Variants in PCSK2 observed in about 807,000 individuals in gnomAD.
The protein encoded by PCSK2 is proprotein convertase subtilisin/kexin type 2, also known as neuroendocrine convertase 2.
In PCSK2, 14 loss-of-function variants were observed where a neutral mutation model predicts 69.7. That is an observed-to-expected ratio of 0.20 (90% confidence interval 0.13 to 0.31). The LOEUF is 0.31. Among genes scored for constraint, PCSK2 ranks in the 10% least tolerant of loss-of-function variants. The pLI is 1.00. For missense variants in PCSK2, 544 were observed against 842.5 expected, an observed-to-expected ratio of 0.65 and a Z score of 4.39; for synonymous variants, 307 against 320.7, an observed-to-expected ratio of 0.96 and a Z score of 0.46.
At chr20:17,247,802 G>C (rs1480859409) in intron 1 of PCSK2, among the ~76,000 whole-genome samples, 1 of 152,230 alleles carries the variant, frequency 6.6e-6, no homozygotes, top group Non-Finnish European at 1.5e-5. Context: ...TAGGCTCCAT[G>C]AGAATTTAAC....
intron 8 of PCSK2, among the ~76,000 whole-genome samples, chr20:17,445,742 C>A (rs138340254): frequency 6.6e-6 from 1 of 152,210 alleles, no homozygotes; most frequent in South Asian, 2.1e-4. Flanking sequence ...GGAGCTCTCA[C>A]GAATACTCTG....
Position 17,453,764 on chromosome 20 carries a change from T to C in PCSK2, c.908T>C (p.Ile303Thr). 6.2e-7 allele frequency: 1 copy of C among 1,613,744 alleles called. No individual in the cohort carries two copies. Among genetic ancestry groups the C allele is most frequent in the Non-Finnish European group, 8.5e-7 (1 of 1,179,912 alleles). ...CAGGGCCGCGGCGGCAAAGGCAGCA[T>C]CTACGTGTGGGCCTCCGGGGACGGC... ...VNKGRGGKGS[I>T]YVWASGDGGS... Residue 303 changes from isoleucine (I) to threonine (T), a missense_variant, in exon 9 of 12, where the codon ATC (isoleucine) becomes ACC (threonine). Physicochemically the swap from Ile to Thr is moderately conservative, Grantham distance 89. Coordinates refer to ENST00000262545, the MANE Select transcript of PCSK2 (RefSeq NM_002594.5). This position sits in a 1 kb window ranked among gnomAD's most constrained non-coding sequence, Gnocchi z 4.0.
At chr20:17,467,028 T>G (rs1473532614) in intron 11 of PCSK2, among the ~76,000 whole-genome samples, 1 of 152,210 alleles carries the variant, frequency 6.6e-6, no homozygotes. Context: ...GTGGTAAAAT[T>G]CATTCCCTGC....
At chr20:17,272,726 C>T (rs575768887) in intron 2 of PCSK2, among the ~76,000 whole-genome samples, 3 of 151,992 alleles carry the variant, frequency 2.0e-5, no homozygotes, top group Non-Finnish European at 4.4e-5. Context: ...ACACTGACCC[C>T]ATATTAAAAG....
At chr20:17,263,047 C>A in intron 2 of PCSK2, 2 of 557,036 alleles carry the variant, frequency 3.6e-6, no homozygotes, top group Non-Finnish European at 4.6e-6. Context: ...GTGGTCTGAG[C>A]TGCTATTCGC....
At chr20:17,327,799 GGAAA>G (rs1990107293) in intron 2 of PCSK2, among the ~76,000 whole-genome samples, 1 of 152,116 alleles carries the variant, frequency 6.6e-6, no homozygotes, top group South Asian at 2.1e-4. Flanking sequence ...TTAATGCATG[GGAAA>G]GAGATTGCCA....
intron 1 of PCSK2, among the ~76,000 whole-genome samples, chr20:17,254,505 A>T (rs953735779): frequency 6.6e-6 from 1 of 152,202 alleles, no homozygotes; most frequent in Non-Finnish European, 1.5e-5. Flanking sequence ...TCAATTGACC[A>T]TAAGTTGATT....
chr20:17,298,877 T>C (rs6131931), intron 2 of PCSK2, among the ~76,000 whole-genome samples: 8,036 of 152,214 alleles, frequency 0.053, 328 homozygotes, highest in East Asian at 0.11. Context: ...TTCCCTCATA[T>C]ATTTGCACAT....
intron 2 of PCSK2, among the ~76,000 whole-genome samples, chr20:17,325,463 C>A (rs532506289): frequency 1.2e-4 from 18 of 152,284 alleles, no homozygotes; most frequent in African/African-American, 4.1e-4. Flanking sequence ...CGTGTGATCA[C>A]CTTGATTACA....
intron 10 of PCSK2, among the ~76,000 whole-genome samples, chr20:17,460,433 T>C (rs1199279710): frequency 1.3e-5 from 2 of 152,344 alleles, no homozygotes; most frequent in African/African-American, 4.8e-5. Context: ...TGTAATTTTA[T>C]AGCTGAATGC....
At chr20:17,433,851 TCCCTCTC>T (rs2032424426) in intron 7 of PCSK2, among the ~76,000 whole-genome samples, 1 of 68,650 alleles carries the variant, frequency 1.5e-5, no homozygotes, top group Non-Finnish European at 2.6e-5. Context: ...CCCCCCTTCC[TCCCTCTC>T]TCCCTCTCTC....
At chr20:17,358,545 C>A in intron 3 of PCSK2, 105 bp downstream of exon 3, 1 of 678,674 alleles carries the variant, frequency 1.5e-6, no homozygotes, top group Non-Finnish European at 2.6e-6. Flanking sequence ...CAGTATCCAA[C>A]CCAGTGACCC....
At chr20:17,426,752 G>A (rs1242392118) in intron 6 of PCSK2, among the ~76,000 whole-genome samples, 3 of 152,218 alleles carry the variant, frequency 2.0e-5, no homozygotes, top group African/African-American at 7.2e-5. Context: ...TCTCTTCTCA[G>A]AGAAGGCCAG....
chr20:17,244,687 A>C (rs957939304), intron 1 of PCSK2, among the ~76,000 whole-genome samples: 4 of 152,144 alleles, frequency 2.6e-5, no homozygotes, highest in Non-Finnish European at 5.9e-5. Context: ...ATCATTCTTC[A>C]CAATGGTTAC....
In PCSK2 at chr20:17,289,750, T is replaced by C. The variant is rs748779608; in HGVS notation, c.282+29406T>C. 9.9e-5 allele frequency among the ~76,000 whole-genome samples: 15 copies of C among 152,158 alleles called. 1 individual carries two copies. Among genetic ancestry groups the C allele is most frequent in the Admixed American group, 3.9e-4 (6 of 15,276 alleles). On this transcript the variant is annotated intron_variant, in intron 2 of 11. Transcript: ENST00000262545. ...CTGACTTTCTATTGTAAAATCAATG[T>C]TTGTTTTACTTTCCTTTATAATATA...
intron 2 of PCSK2, among the ~76,000 whole-genome samples, chr20:17,285,651 A>G (rs1280873124): frequency 6.6e-6 from 1 of 152,238 alleles, no homozygotes; most frequent in Non-Finnish European, 1.5e-5. Flanking sequence ...CAGATTGGCC[A>G]CATAAGAGCA....
At chr20:17,416,549 T>C (rs962250139) in intron 6 of PCSK2, among the ~76,000 whole-genome samples, 18 of 152,138 alleles carry the variant, frequency 1.2e-4, no homozygotes, top group African/African-American at 3.4e-4. Context: ...TGTGGAGAAA[T>C]AGGAACGCTT....
chr20:17,290,886 G>T (rs953945479), intron 2 of PCSK2, among the ~76,000 whole-genome samples: 5 of 152,118 alleles, frequency 3.3e-5, no homozygotes, highest in Non-Finnish European at 7.4e-5. Context: ...ATGTGAGATA[G>T]CGAGAGGAAA....
chr20:17,405,806 G>A (rs1199690474), intron 5 of PCSK2, among the ~76,000 whole-genome samples: 1 of 152,086 alleles, frequency 6.6e-6, no homozygotes, highest in Non-Finnish European at 1.5e-5. Flanking sequence ...TAAACTTTTA[G>A]AAGAGAACAT....
Sources: allele counts gnomAD v4.1 joint callset (sites outside exome capture counted in the v4.1 genomes callset), GRCh38; gene constraint gnomAD v4.1.1; non-coding constraint Gnocchi (gnomAD v3.1); transcripts MANE v1.5; gene names NCBI Gene and HGNC (gene_info 2026-07-23, HGNC 2026-07-21).